Variants in SENP6 observed in about 807,000 individuals in gnomAD.
SENP6 encodes sentrin-specific protease 6.
Under a neutral mutation model 134.5 loss-of-function variants are expected in SENP6, and 41 were observed. The ratio of observed to expected loss-of-function variants is 0.30; its 90% CI spans 0.24 to 0.40. The LOEUF (loss-of-function observed/expected upper bound fraction) is 0.40, where lower values mean the gene tolerates loss of function less well. Among genes scored for constraint, SENP6 ranks in the 10% least tolerant of loss-of-function variants. SENP6 has a pLI of 1.00. For missense variants in SENP6, 1,248 were observed against 1,312.5 expected (o/e 0.95, Z 0.76); for synonymous variants, 395 against 429.8 (o/e 0.92, Z 1.00).
At chr6:75,622,853 G>T in intron 2 of SENP6, 1 of 1,262,028 alleles carries the variant, frequency 7.9e-7, no homozygotes, top group Non-Finnish European at 1.0e-6. Flanking sequence ...GGAGAGCTTT[G>T]AACTGGTAAG....
At chr6:75,640,804 T>TAAAA in intron 6 of SENP6, 100 bp downstream of exon 6, 1 of 679,796 alleles carries the variant, frequency 1.5e-6, no homozygotes, top group Non-Finnish European at 2.3e-6. Flanking sequence ...AGTTTATAAT[T>TAAAA]AAAGCTTTTT....
Position 75,659,289 on chromosome 6 carries a change from C to T in SENP6, c.578C>T (p.Ser193Phe), listed in dbSNP as rs1448003576. The T allele has an allele frequency of 1.2e-5, 20 of 1,612,158 alleles. No individual in the cohort carries two copies. The highest frequency in any genetic ancestry group is 1.7e-5 in the Non-Finnish European group (20 of 1,178,950). ...CGTATAATGAAGAAAACAGAAGAGT[C>T]CGAATCACAAGTGGAGCCTGAAATT... ...VERIMKKTEE[S>F]ESQVEPEIKR... The change falls in exon 8 of 24, where the codon TCC becomes TTC. Residue 193 changes from serine to phenylalanine, a missense_variant. Ser to Phe is a radical substitution (Grantham distance 155, BLOSUM62 -2). This residue lies in a region of SENP6 where 733 missense variants were observed against 725.4 expected (regional missense o/e 1.01). Coordinates refer to ENST00000447266, the MANE Select transcript of SENP6 (RefSeq NM_015571.4).
chr6:75,616,140 G>A (rs1767832139), intron 1 of SENP6, among the ~76,000 whole-genome samples: 1 of 152,062 alleles, frequency 6.6e-6, no homozygotes, highest in African/African-American at 2.4e-5. Context: ...AACTTTAGGT[G>A]TTTAATTTGT....
intron 5 of SENP6, among the ~76,000 whole-genome samples, chr6:75,638,618 ATATATTTTTTTTTTTTTT>A (rs1769772951): frequency 2.9e-5 from 1 of 34,496 alleles, no homozygotes; most frequent in Non-Finnish European, 4.7e-5. Context: ...ATATATATAT[ATATATTTTTTTTTTTTTT>A]TTTTTTTTTT....
chr6:75,670,738 T>G lies in SENP6; in HGVS notation c.1392+18T>G, dbSNP rs1772608286. The G allele has an allele frequency of 6.5e-7, 1 of 1,534,282 alleles. No homozygotes were observed. On this transcript the variant is annotated intron_variant, in intron 11 of 23. Coordinates refer to ENST00000447266, the MANE Select transcript of SENP6 (RefSeq NM_015571.4). The stretch of plus-strand genomic sequence containing the variant: ...CTGTAATTGTAAGTACATCTTAAGC[T>G]CTTTACTATACCAATTATAACATTA...
At chr6:75,657,021 TGTCA>T (rs1481643641) in intron 7 of SENP6, among the ~76,000 whole-genome samples, 8 of 152,316 alleles carry the variant, frequency 5.3e-5, no homozygotes, top group African/African-American at 1.9e-4. Context: ...TTTTTTTAAA[TGTCA>T]GTCTCCAGGA....
chr6:75,657,659 A>G (rs1481112361), intron 7 of SENP6, among the ~76,000 whole-genome samples: 1 of 152,224 alleles, frequency 6.6e-6, no homozygotes, highest in Admixed American at 6.5e-5. Flanking sequence ...ATGCTGGGAA[A>G]ACACATGACT....
At chr6:75,652,564 C>T (rs1049951272) in intron 7 of SENP6, among the ~76,000 whole-genome samples, 2 of 149,504 alleles carry the variant, frequency 1.3e-5, no homozygotes, top group Non-Finnish European at 3.0e-5. Context: ...TGGCCAGGCG[C>T]GGTGGCTCAC....
At chr6:75,711,014 CAG>C (rs1775714996) in intron 20 of SENP6, among the ~76,000 whole-genome samples, 1 of 152,094 alleles carries the variant, frequency 6.6e-6, no homozygotes, top group Non-Finnish European at 1.5e-5. Flanking sequence ...AAACTAAAAT[CAG>C]AGCAGTAATA....
At chr6:75,688,512 A>G (rs1774007823) in intron 16 of SENP6, among the ~76,000 whole-genome samples, 1 of 152,020 alleles carries the variant, frequency 6.6e-6, no homozygotes, top group South Asian at 2.1e-4. Flanking sequence ...AGCTATTCCT[A>G]TTTGGCCATC....
Position 75,666,861 on chromosome 6 carries a change from G to C in SENP6, c.1144G>C (p.Glu382Gln), listed in dbSNP as rs748033265. 3 of 1,613,498 alleles carry C rather than the reference G, an allele frequency of 1.9e-6. No individual in the cohort carries two copies. The East Asian group carries it at 6.7e-5, about 36-fold the overall frequency. ...GCTAAATGAAAATACTTGCAGAGCAGAGCGTGAACTACGAAGCATTCCAGA... is the reference window on the plus strand; with the variant it reads ...GCTAAATGAAAATACTTGCAGAGCACAGCGTGAACTACGAAGCATTCCAGA... The part of the protein sequence containing the change: ...AALNENTCRA[E>Q]RELRSIPEDS... The change falls in exon 10 of 24, where the codon GAG (glutamate) becomes CAG (glutamine). Residue 382 changes from glutamate (E) to glutamine (Q), a missense_variant. Physicochemically the swap from Glu to Gln is conservative, Grantham distance 29. Coordinates refer to ENST00000447266, the MANE Select transcript of SENP6 (RefSeq NM_015571.4).
intron 16 of SENP6, among the ~76,000 whole-genome samples, chr6:75,683,970 C>G (rs1773645831): frequency 6.6e-6 from 1 of 152,154 alleles, no homozygotes; most frequent in Admixed American, 6.6e-5. Context: ...GACATTGAAT[C>G]TATACATTAC....
intron 23 of SENP6, among the ~76,000 whole-genome samples, chr6:75,714,663 CT>C (rs1775936607): frequency 6.6e-6 from 1 of 152,160 alleles, no homozygotes. Flanking sequence ...ATCTGACCCC[CT>C]ATTTAAGCTT....
chr6:75,690,926 G>GTCCTCAA (rs1409028102), intron 16 of SENP6, among the ~76,000 whole-genome samples: 2 of 151,224 alleles, frequency 1.3e-5, no homozygotes, highest in African/African-American at 4.9e-5. Context: ...TTGAACTTCT[G>GTCCTCAA]TCCTCAAGTG....
chr6:75,713,348 C>T lies in SENP6; in HGVS notation c.2910-165C>T, dbSNP rs73457002. Among the ~76,000 whole-genome samples the T allele has an allele frequency of 3.7e-3, 556 of 152,104 alleles. 6 individuals carry two copies. Among genetic ancestry groups the T allele is most frequent in the African/African-American group, 0.013 (524 of 41,518 alleles). On this transcript the variant is annotated intron_variant, in intron 21 of 23. Coordinates refer to ENST00000447266, the MANE Select transcript of SENP6 (RefSeq NM_015571.4). ...TTAAGTATTATTAGATTATAAGGTTCGTATGTGTCTATAAGGTTCATTTTT... is the reference window on the plus strand; with the variant it reads ...TTAAGTATTATTAGATTATAAGGTTTGTATGTGTCTATAAGGTTCATTTTT...
chr6:75,659,502 A>G, intron 8 of SENP6, 95 bp downstream of exon 8: 2 of 1,177,590 alleles, frequency 1.7e-6, no homozygotes, highest in Admixed American at 2.8e-5. Flanking sequence ...CTTTTATCAT[A>G]GGACCAGAAG....
Position 75,705,924 on chromosome 6 carries a change from C to CT in SENP6, c.2716+2852_2716+2853insT, listed in dbSNP as rs1562073188. Among the ~76,000 whole-genome samples the CT allele has an allele frequency of 6.2e-3, 555 of 89,282 alleles. 162 individuals carry two copies. The highest frequency in any genetic ancestry group is 0.022 in the African/African-American group (484 of 22,272). 58.6% of individuals were successfully genotyped at this position (89,282 alleles called of 152,430 possible). On this transcript the variant is annotated intron_variant, in intron 19 of 23. Coordinates refer to ENST00000447266, the MANE Select transcript of SENP6 (RefSeq NM_015571.4). ...AGTGAGTTAGAAAGCTATTTTTGAGCCTTTTTTTTTTTTTTTTTTTTTTTT... is the reference window on the plus strand; with the variant it reads ...AGTGAGTTAGAAAGCTATTTTTGAGCTCTTTTTTTTTTTTTTTTTTTTTTTT...
intron 5 of SENP6, among the ~76,000 whole-genome samples, chr6:75,637,747 G>A (rs1047646170): frequency 6.6e-5 from 10 of 151,866 alleles, no homozygotes; most frequent in Non-Finnish European, 1.5e-4. Context: ...GTCTTCCCCC[G>A]CAACTTAGGG....
chr6:75,677,240 A>G lies in SENP6; in HGVS notation c.1832A>G (p.Glu611Gly), dbSNP rs1286088025. The G allele has an allele frequency of 1.9e-6, 3 of 1,583,114 alleles. No homozygotes were observed. In the South Asian group the frequency reaches 3.6e-5, roughly 19 times the overall value. The part of the protein sequence containing the change: ...ESIKGSCGQK[E>G]NKIKTVSFES... ...ATCAAAGGAAGTTGTGGGCAAAAGG[A>G]AAACAAAATTAAAACTGTAATTATG... Residue 611 changes from glutamate (E) to glycine (G), a missense_variant, in exon 14 of 24, where the codon GAA (glutamate) becomes GGA (glycine). By Grantham distance (98) the Glu-to-Gly change is moderately conservative. Transcript: ENST00000447266.
Sources: allele counts gnomAD v4.1 joint callset (sites outside exome capture counted in the v4.1 genomes callset), GRCh38; gene constraint gnomAD v4.1.1; regional missense constraint gnomAD v4.1.1; transcripts MANE v1.5; gene names NCBI Gene and HGNC (gene_info 2026-07-23, HGNC 2026-07-21).